Variants in COL6A6 observed in about 807,000 individuals in gnomAD.
COL6A6 encodes the protein collagen type VI alpha 6 chain.
In COL6A6, 183 loss-of-function variants were observed where a neutral mutation model predicts 208.6. The ratio of observed to expected loss-of-function variants is 0.88; its 90% CI spans 0.78 to 0.99. The LOEUF is 0.99. COL6A6 is among the 50% of genes least tolerant of loss of function. The pLI is 0.00. For missense variants in COL6A6, 2,816 were observed against 2,815.2 expected (o/e 1.00, Z -0.01); for synonymous variants, 973 against 1,011.8 (o/e 0.96, Z 0.73).
intron 33 of COL6A6, among the ~76,000 whole-genome samples, chr3:130,656,675 T>C (rs76055125): frequency 0.019 from 2,959 of 152,298 alleles, 95 homozygotes; most frequent in African/African-American, 0.067. Context: ...CAGAGGCCTG[T>C]CTGCCTCCTT....
chr3:130,608,972 T>C lies in COL6A6; in HGVS notation c.4752+8T>C. On this transcript the variant is annotated splice_region_variant and intron_variant, in intron 22 of 36. Transcript: ENST00000358511. ...GGACTTAAGGGCCCTCAGGTACATATCAAGACCAATCAGGGTGTGAGAACA... is the reference window on the plus strand; with the variant it reads ...GGACTTAAGGGCCCTCAGGTACATACCAAGACCAATCAGGGTGTGAGAACA... 1 of 1,604,400 alleles carries C rather than the reference T, an allele frequency of 6.2e-7. No individual in the cohort carries two copies. Among genetic ancestry groups the C allele is most frequent in the Non-Finnish European group, 8.5e-7 (1 of 1,171,850 alleles).
chr3:130,542,022 T>C (rs2062375333), intron 1 of COL6A6, among the ~76,000 whole-genome samples: 1 of 152,110 alleles, frequency 6.6e-6, no homozygotes, highest in African/African-American at 2.4e-5. Context: ...CTTTCTTTTC[T>C]GACATTAGTA....
chr3:130,591,203 G>C lies in COL6A6; in HGVS notation c.4272+109G>C, dbSNP rs531693114. 81 of 823,882 alleles carry C rather than the reference G, an allele frequency of 9.8e-5. No homozygotes were observed. In the African/African-American group the frequency reaches 1.2e-3, roughly 12 times the overall value. 51.0% of individuals were successfully genotyped at this position (823,882 alleles called of 1,614,324 possible). ...AAGAAAGGTGAGATTCTAAGGATTCGTGTACAGAATCTCAGATCTTCTTTT... is the reference window on the plus strand; with the variant it reads ...AAGAAAGGTGAGATTCTAAGGATTCCTGTACAGAATCTCAGATCTTCTTTT... On this transcript the variant is annotated intron_variant, in intron 13 of 36. Coordinates refer to ENST00000358511, the MANE Select transcript of COL6A6 (RefSeq NM_001102608.3).
At chr3:130,665,168 T>C (rs1378662696) in intron 36 of COL6A6, 72 bp downstream of exon 36, 4 of 921,816 alleles carry the variant, frequency 4.3e-6, no homozygotes, top group Middle Eastern at 2.2e-4. Context: ...TCCTCCTCCT[T>C]TTCTTGCTTT....
At chr3:130,560,471 A>C (rs1271258004) in intron 2 of COL6A6, 43 bp downstream of exon 2, 1 of 1,512,326 alleles carries the variant, frequency 6.6e-7, no homozygotes, top group African/African-American at 1.4e-5. Context: ...GATTATAGAA[A>C]ATAGATAATA....
At position 130,622,835 on chromosome 3, in the gene COL6A6, C is replaced by T. The variant is rs1028215937; in HGVS notation, c.4878+952C>T. Among the ~76,000 whole-genome samples, 8 of 151,596 alleles carry T rather than the reference C, an allele frequency of 5.3e-5. No individual in the cohort carries two copies. In the South Asian group the frequency reaches 6.3e-4, roughly 12 times the overall value. ...TCGCACCACCGCACTCCAGCCTGGGCGACAGAGCGAGACTCTGTCTCAAAG... is the reference window on the plus strand; with the variant it reads ...TCGCACCACCGCACTCCAGCCTGGGTGACAGAGCGAGACTCTGTCTCAAAG... On this transcript the variant is annotated intron_variant, in intron 24 of 36. Coordinates refer to ENST00000358511, the MANE Select transcript of COL6A6 (RefSeq NM_001102608.3).
intron 1 of COL6A6, among the ~76,000 whole-genome samples, chr3:130,559,963 G>A (rs182348940): frequency 3.3e-5 from 5 of 152,258 alleles, no homozygotes; most frequent in Admixed American, 3.3e-4. Context: ...ATAGGTCTTG[G>A]GGTGTGTCCT....
intron 32 of COL6A6, 122 bp downstream of exon 32, chr3:130,645,124 C>A: frequency 2.2e-6 from 2 of 910,976 alleles, no homozygotes; most frequent in South Asian, 2.7e-5. Context: ...GCTTTCTTTG[C>A]TGCTGCCTCA....
chr3:130,545,054 G>C (rs1178749319), intron 1 of COL6A6, among the ~76,000 whole-genome samples: 1 of 151,674 alleles, frequency 6.6e-6, no homozygotes, highest in African/African-American at 2.4e-5. Context: ...ATTTATTTTT[G>C]CCTTTGCAGC....
intron 1 of COL6A6, among the ~76,000 whole-genome samples, chr3:130,550,563 T>C (rs962514288): frequency 6.6e-6 from 1 of 152,176 alleles, no homozygotes; most frequent in Non-Finnish European, 1.5e-5. Flanking sequence ...CTCAGAATCA[T>C]GGATGGAGGT....
At chr3:130,531,734 ATGATT>A (rs1235328533) in intron 1 of COL6A6, among the ~76,000 whole-genome samples, 3 of 152,352 alleles carry the variant, frequency 2.0e-5, no homozygotes, top group Non-Finnish European at 4.4e-5. Flanking sequence ...AGAGAAGCAG[ATGATT>A]TGATTTGAGT....
At chr3:130,670,017 AG>A (rs1486622008) in intron 36 of COL6A6, among the ~76,000 whole-genome samples, 1 of 152,242 alleles carries the variant, frequency 6.6e-6, no homozygotes, top group Non-Finnish European at 1.5e-5. Flanking sequence ...GATCAAGGCC[AG>A]GGAGGCACTC....
chr3:130,654,977 T>C (rs2065749594), intron 33 of COL6A6, among the ~76,000 whole-genome samples: 1 of 152,088 alleles, frequency 6.6e-6, no homozygotes, highest in Admixed American at 6.5e-5. Context: ...ACAGGAGTGG[T>C]TGGTGGGTTC....
At chr3:130,644,197 G>A (rs911291336) in intron 31 of COL6A6, among the ~76,000 whole-genome samples, 1 of 152,242 alleles carries the variant, frequency 6.6e-6, no homozygotes, top group Non-Finnish European at 1.5e-5. Flanking sequence ...GTATGTGATT[G>A]TGCGAACAAC....
intron 4 of COL6A6, among the ~76,000 whole-genome samples, 180 bp from the exon 5 acceptor site, chr3:130,566,522 C>T (rs970856955): frequency 3.3e-5 from 5 of 152,132 alleles, no homozygotes; most frequent in Non-Finnish European, 7.4e-5. Context: ...GTGTCAGAAG[C>T]GATTCATTTG....
In COL6A6 at chr3:130,536,999, C is replaced by G. The variant is rs73870076; in HGVS notation, c.-32+19602C>G. ...TTTTTTTAAGTAAAACTAACAGTGT[C>G]TGCTCAGGGATGTGAAAGGAGATGA... is the stretch of plus-strand genomic sequence containing the variant. On this transcript the variant is annotated intron_variant, in intron 1 of 36. Coordinates refer to ENST00000358511, the MANE Select transcript of COL6A6 (RefSeq NM_001102608.3). Among the ~76,000 whole-genome samples the G allele has an allele frequency of 4.7e-3, 723 of 152,270 alleles. 5 individuals are homozygous for G. The highest frequency in any genetic ancestry group is 0.016 in the African/African-American group (681 of 41,536).
At chr3:130,546,603 C>T (rs1384752068) in intron 1 of COL6A6, among the ~76,000 whole-genome samples, 1 of 152,192 alleles carries the variant, frequency 6.6e-6, no homozygotes, top group Non-Finnish European at 1.5e-5. Flanking sequence ...GCTGATTGGT[C>T]CATTTTACAG....
At chr3:130,535,240 T>A (rs2062196516) in intron 1 of COL6A6, among the ~76,000 whole-genome samples, 1 of 152,226 alleles carries the variant, frequency 6.6e-6, no homozygotes, top group East Asian at 1.9e-4. Context: ...GGGTAACTAA[T>A]TCTTGTTTTA....
In COL6A6 at chr3:130,581,824, A is replaced by C; in HGVS notation, c.3811A>C (p.Lys1271Gln). Residue 1271 changes from lysine (K) to glutamine (Q), a missense_variant, in exon 9 of 37, where the codon AAA becomes CAA. Lys to Gln is a moderately conservative substitution (Grantham distance 53). Transcript: ENST00000358511. The stretch of plus-strand genomic sequence containing the variant: ...GAATAGCTTGAAGGATATAACAGTT[A>C]AAGGACCATCTCTTCTCAATGCAAA... ...ILNSLKDITV[K>Q]GPSLLNANLL... 1 of 1,613,506 alleles carries C rather than the reference A, an allele frequency of 6.2e-7. No homozygotes were observed. Among genetic ancestry groups the C allele is most frequent in the Non-Finnish European group, 8.5e-7 (1 of 1,179,406 alleles).
Sources: allele counts gnomAD v4.1 joint callset (sites outside exome capture counted in the v4.1 genomes callset), GRCh38; gene constraint gnomAD v4.1.1; transcripts MANE v1.5; gene names NCBI Gene and HGNC (gene_info 2026-07-23, HGNC 2026-07-21).